ZNF679: variants seen among roughly 807,000 people sequenced by gnomAD.
The protein encoded by ZNF679 is hypothetical protein MGC42415.
In ZNF679, 10 loss-of-function variants were observed where a neutral mutation model predicts 13.4. That is an observed-to-expected ratio of 0.75 (90% CI 0.46 to 1.27). The LOEUF is 1.27. Ranked by LOEUF, ZNF679 falls within the 50% of genes most tolerant of loss-of-function variation. The pLI is 0.00. For synonymous variants in ZNF679, 179 were observed against 162.5 expected, an observed-to-expected ratio of 1.10 and a Z score of -0.77; for missense variants, 525 against 477.8, an observed-to-expected ratio of 1.10 and a Z score of -0.92.
chr7:64,236,450 G>A (rs1787712983), intron 1 of ZNF679, among the ~76,000 whole-genome samples: 1 of 150,464 alleles, frequency 6.6e-6, no homozygotes, highest in South Asian at 2.1e-4. Flanking sequence ...GCGTTTGTGG[G>A]GGGAAAAAAA....
At chr7:64,231,362 G>C (rs1373080676) in intron 1 of ZNF679, among the ~76,000 whole-genome samples, 1 of 152,186 alleles carries the variant, frequency 6.6e-6, no homozygotes, top group Non-Finnish European at 1.5e-5. Flanking sequence ...TATTTCCCTT[G>C]TGAGCAGGGC....
intron 4 of ZNF679, among the ~76,000 whole-genome samples, chr7:64,261,433 GTATT>G (rs1488125275): frequency 6.6e-6 from 1 of 151,752 alleles, no homozygotes; most frequent in Non-Finnish European, 1.5e-5. Context: ...TTTTATCCAT[GTATT>G]TATTTATTTA....
At chr7:64,235,699 G>A (rs1359836789) in intron 1 of ZNF679, among the ~76,000 whole-genome samples, 1 of 151,992 alleles carries the variant, frequency 6.6e-6, no homozygotes, top group Non-Finnish European at 1.5e-5. Flanking sequence ...TGAGGCAGAA[G>A]CATCGCTGGA....
chr7:64,235,878 T>C (rs552152942), intron 1 of ZNF679, among the ~76,000 whole-genome samples: 15 of 150,504 alleles, frequency 1.0e-4, no homozygotes, highest in Non-Finnish European at 2.2e-4. Flanking sequence ...AGAGCAGAGA[T>C]AGATTTCATA....
At chr7:64,237,953 G>C (rs1209998216) in intron 1 of ZNF679, among the ~76,000 whole-genome samples, 2 of 152,104 alleles carry the variant, frequency 1.3e-5, no homozygotes, top group Non-Finnish European at 2.9e-5. Context: ...CTGGTAAATA[G>C]TTACAATTAA....
chr7:64,257,182 T>C (rs1788015255), intron 2 of ZNF679, among the ~76,000 whole-genome samples: 1 of 152,264 alleles, frequency 6.6e-6, no homozygotes, highest in Admixed American at 6.5e-5. Flanking sequence ...ATCAGGTTTG[T>C]AAATTGAGAT....
Position 64,266,112 on chromosome 7 carries a change from A to AAT in ZNF679, c.480_481dup (p.Cys161TyrfsTer45), listed in dbSNP as rs1203584583. 1 of 1,611,728 alleles carries AAT rather than the reference A, an allele frequency of 6.2e-7. No homozygotes were observed. The highest frequency in any genetic ancestry group is 1.3e-5 in the African/African-American group (1 of 74,928). On this transcript the variant is annotated frameshift_variant, in exon 5 of 5. Transcript: ENST00000421025. LOFTEE classifies it low-confidence loss of function (END_TRUNC). The stretch of plus-strand genomic sequence containing the variant: ...CAAAACAAAATATTTCAGACTCATA[A>AAT]ATGTGTCAAAGTCTTCGGCAAATTT...
At chr7:64,242,768 A>ATT (rs55654659) in intron 1 of ZNF679, among the ~76,000 whole-genome samples, 155 of 148,870 alleles carry the variant, frequency 1.0e-3, no homozygotes, top group African/African-American at 1.3e-3. Flanking sequence ...ATCACCTGTG[A>ATT]TTTTTTTTTT....
intron 1 of ZNF679, among the ~76,000 whole-genome samples, chr7:64,229,711 C>A (rs1404641464): frequency 6.6e-6 from 1 of 152,072 alleles, no homozygotes; most frequent in Non-Finnish European, 1.5e-5. Context: ...CTAAATCTAG[C>A]CAGGGGAGTA....
At position 64,266,267 on chromosome 7, in the gene ZNF679, T is replaced by C. The variant is rs1830035; in HGVS notation, c.634T>C (p.Tyr212His). ...HQIIHTRENS[Y>H]QCEECGKPFN... ...GATAATTCATACTAGGGAGAATTCCTACCAATGTGAAGAATGCGGCAAACC... is the reference window on the plus strand; with the variant it reads ...GATAATTCATACTAGGGAGAATTCCCACCAATGTGAAGAATGCGGCAAACC... The change falls in exon 5 of 5, where the codon TAC (tyrosine) becomes CAC (histidine). Residue 212 changes from tyrosine to histidine, a missense_variant. Physicochemically the swap from Tyr to His is moderately conservative, Grantham distance 83 (BLOSUM62 2). Transcript: ENST00000421025. 98,210 of 1,590,982 alleles carry C rather than the reference T, an allele frequency of 0.062. 5,245 individuals are homozygous for C. Among genetic ancestry groups the C allele is most frequent in the African/African-American group, 0.27 (19,810 of 74,176 alleles).
intron 2 of ZNF679, among the ~76,000 whole-genome samples, chr7:64,255,408 C>T (rs1787992871): frequency 6.6e-6 from 1 of 152,142 alleles, no homozygotes; most frequent in Non-Finnish European, 1.5e-5. Context: ...CTACACGTTT[C>T]CTGGCATATC....
At chr7:64,235,945 G>A (rs941681186) in intron 1 of ZNF679, among the ~76,000 whole-genome samples, 1 of 152,044 alleles carries the variant, frequency 6.6e-6, no homozygotes, top group African/African-American at 2.4e-5. Flanking sequence ...CATATAAAAT[G>A]TATCTAAATA....
chr7:64,266,833 T>C lies in ZNF679; in HGVS notation c.1200T>C (p.Ser400=). Residue 400 remains serine, a synonymous_variant, in exon 5 of 5, where the codon AGT becomes AGC. Coordinates refer to ENST00000421025, the MANE Select transcript of ZNF679 (RefSeq NM_153363.3). ...CCTCAAGTCTTGCTAATCATAAGAGTATGCATACTGGAGAGAAACCCTACA... is the reference window on the plus strand; with the variant it reads ...CCTCAAGTCTTGCTAATCATAAGAGCATGCATACTGGAGAGAAACCCTACA... ...KWSSSLANHK[S]MHTGEKPYKC... 8 of 1,591,456 alleles carry C rather than the reference T, an allele frequency of 5.0e-6. No individual in the cohort carries two copies. The highest frequency in any genetic ancestry group is 6.0e-6 in the Non-Finnish European group (7 of 1,168,604).
At chr7:64,245,359 T>G (rs1351480906) in intron 1 of ZNF679, among the ~76,000 whole-genome samples, 2 of 150,714 alleles carry the variant, frequency 1.3e-5, no homozygotes, top group Admixed American at 6.6e-5. Flanking sequence ...AGTTTCAACA[T>G]GTGATCTTTG....
chr7:64,235,133 C>T (rs528630575), intron 1 of ZNF679, among the ~76,000 whole-genome samples: 152 of 152,000 alleles, frequency 1.0e-3, no homozygotes, highest in Non-Finnish European at 1.9e-3. Flanking sequence ...CCACTGAGCC[C>T]GGCCATATCA....
At position 64,266,393 on chromosome 7, in the gene ZNF679, AC is replaced by A. The variant is rs1489522985; in HGVS notation, c.763del (p.Thr256LeufsTer89). ...TGGCAAAGCTTTTACCTGGTCCTCA[AC>A]CCTTACTAAACATAGGAGAATTCAT... ...ECGKAFTWSSTLTKHRRIHTG... is the reference protein window; with the variant it reads ...ECGKAFTWSSXLTKHRRIHTG... On this transcript the variant is annotated frameshift_variant, in exon 5 of 5. Coordinates refer to ENST00000421025, the MANE Select transcript of ZNF679 (RefSeq NM_153363.3). LOFTEE classifies it low-confidence loss of function (END_TRUNC). 1 of 1,612,924 alleles carries A rather than the reference AC, an allele frequency of 6.2e-7. No individual in the cohort carries two copies. The highest frequency in any genetic ancestry group is 2.2e-5 in the East Asian group (1 of 44,674).
chr7:64,237,174 C>G (rs531622684), intron 1 of ZNF679, among the ~76,000 whole-genome samples: 4 of 152,082 alleles, frequency 2.6e-5, no homozygotes, highest in Non-Finnish European at 5.9e-5. Flanking sequence ...GTGGAGAAAA[C>G]GGGTCACTGG....
Position 64,266,645 on chromosome 7 carries a change from A to G in ZNF679, c.1012A>G (p.Thr338Ala). ...TGGCAAAGCCTTTAACTGCTCCTCA[A>G]CCCTTAAGAAACATAAGATAATTCA... ...ECGKAFNCSSTLKKHKIIHTG... is the reference protein window; with the variant it reads ...ECGKAFNCSSALKKHKIIHTG... The change falls in exon 5 of 5, where the codon ACC (threonine) becomes GCC (alanine). Residue 338 changes from threonine (T) to alanine (A), a missense_variant. By Grantham distance (58) the Thr-to-Ala change is moderately conservative. Transcript: ENST00000421025. 6.2e-7 allele frequency: 1 copy of G among 1,610,554 alleles called. No individual in the cohort carries two copies. Among genetic ancestry groups the G allele is most frequent in the Non-Finnish European group, 8.5e-7 (1 of 1,177,018 alleles).
chr7:64,255,132 TCTC>T (rs1326330101), intron 2 of ZNF679, among the ~76,000 whole-genome samples: 4 of 152,014 alleles, frequency 2.6e-5, no homozygotes, highest in Admixed American at 2.0e-4. Flanking sequence ...GAGGCTCTGT[TCTC>T]CTGCACACAG....
Sources: gnomAD v4.1 joint callset for allele counts (sites outside exome capture counted in the v4.1 genomes callset) on GRCh38, gnomAD v4.1.1 for gene constraint, MANE v1.5 for transcripts, NCBI Gene and HGNC (gene_info 2026-07-23, HGNC 2026-07-21) for gene names.